Variants in UNC5C observed in about 807,000 individuals in gnomAD.
UNC5C encodes unc-5 netrin receptor C.
A neutral mutation model predicts 99.8 loss-of-function variants in UNC5C; 47 were observed. The ratio of observed to expected loss-of-function variants is 0.47; its 90% confidence interval spans 0.37 to 0.60. UNC5C has a LOEUF of 0.60. Ranked by LOEUF, UNC5C falls within the 20% of genes least tolerant of loss-of-function variation. The pLI is 0.00. For missense variants in UNC5C, 1,062 were observed against 1,165.9 expected (o/e 0.91, Z 1.30); for synonymous variants, 487 against 452.2 (o/e 1.08, Z -0.98).
intron 4 of UNC5C, among the ~76,000 whole-genome samples, chr4:95,251,601 C>A (rs1029101511): frequency 5.9e-5 from 9 of 152,104 alleles, no homozygotes; most frequent in African/African-American, 2.4e-5. Flanking sequence ...CAGTTTTTTC[C>A]ATAAAGCAAA....
chr4:95,248,058 A>T (rs1259033014), intron 5 of UNC5C: 1 of 153,220 alleles, frequency 6.5e-6, no homozygotes, highest in Non-Finnish European at 1.5e-5. Flanking sequence ...GGATCAAAAA[A>T]TTTTTGTGCC....
At chr4:95,415,684 C>T (rs1316031933) in intron 1 of UNC5C, among the ~76,000 whole-genome samples, 1 of 152,008 alleles carries the variant, frequency 6.6e-6, no homozygotes, top group East Asian at 1.9e-4. Context: ...TGCATCAGAA[C>T]TCATTCCCAA....
intron 1 of UNC5C, among the ~76,000 whole-genome samples, chr4:95,419,661 A>G (rs1746262955): frequency 6.6e-6 from 1 of 152,190 alleles, no homozygotes; most frequent in Non-Finnish European, 1.5e-5. Context: ...GAAATGCTGC[A>G]GTAATATAGT....
At chr4:95,402,752 T>A (rs773898141) in intron 1 of UNC5C, among the ~76,000 whole-genome samples, 3 of 152,264 alleles carry the variant, frequency 2.0e-5, no homozygotes, top group Non-Finnish European at 4.4e-5. Flanking sequence ...ATGCCATTTC[T>A]CTAGATTATT....
Position 95,202,827 on chromosome 4 carries a change from C to T in UNC5C, c.2040G>A (p.Lys680=), listed in dbSNP as rs767367177. The T allele has an allele frequency of 1.9e-6, 3 of 1,614,200 alleles. No homozygotes were observed. Among genetic ancestry groups the T allele is most frequent in the Middle Eastern group, 1.7e-4 (1 of 6,060 alleles). The part of the protein sequence containing the change: ...VGHSTTKAAA[K]RLKLAIFGPL... ...GCCCAAAGATGGCCAGCTTGAGGCGCTTCGCAGCCGCTTTGGTGGTGGAAT... is the reference window on the plus strand; with the variant it reads ...GCCCAAAGATGGCCAGCTTGAGGCGTTTCGCAGCCGCTTTGGTGGTGGAAT... Residue 680 remains lysine, a synonymous_variant, in exon 12 of 16, where the codon AAG becomes AAA. Coordinates refer to ENST00000453304, the MANE Select transcript of UNC5C (RefSeq NM_003728.4).
Position 95,278,260 on chromosome 4 carries a change from T to G in UNC5C, c.593A>C (p.Glu198Ala). Residue 198 changes from glutamate to alanine, a missense_variant and splice_region_variant, in exon 4 of 16, where the codon GAG becomes GCG. By Grantham distance (107) the Glu-to-Ala change is moderately radical. Transcript: ENST00000453304. ...ATGCAAAGAATTGTTGTTATTCACCTCAGCCACTGGGATCCCTTCAGGTGG... is the reference window on the plus strand; with the variant it reads ...ATGCAAAGAATTGTTGTTATTCACCGCAGCCACTGGGATCCCTTCAGGTGG... ...CRPPEGIPVA[E>A]VEWLKNEDII... 6.2e-7 allele frequency: 1 copy of G among 1,613,260 alleles called. No individual in the cohort carries two copies. The highest frequency in any genetic ancestry group is 1.1e-5 in the South Asian group (1 of 91,060).
intron 4 of UNC5C, among the ~76,000 whole-genome samples, chr4:95,270,025 C>T (rs1170119235): frequency 1.3e-5 from 2 of 152,090 alleles, no homozygotes; most frequent in African/African-American, 2.4e-5. Flanking sequence ...AAAGCCTTGA[C>T]AATTCTAAAA....
At chr4:95,221,671 A>G (rs1298592267) in intron 7 of UNC5C, among the ~76,000 whole-genome samples, 1 of 152,174 alleles carries the variant, frequency 6.6e-6, no homozygotes, top group Non-Finnish European at 1.5e-5. Context: ...AATCAAGTCA[A>G]TGTTAGCAAA....
At chr4:95,182,795 A>G in intron 14 of UNC5C, 102 bp downstream of exon 14, 4 of 1,288,734 alleles carry the variant, frequency 3.1e-6, no homozygotes, top group Non-Finnish European at 4.1e-6. Context: ...GCTTTTGAGG[A>G]CTTCCCATAT....
chr4:95,174,495 T>C (rs1463805580), intron 14 of UNC5C, among the ~76,000 whole-genome samples: 1 of 152,254 alleles, frequency 6.6e-6, no homozygotes, highest in Non-Finnish European at 1.5e-5. Flanking sequence ...TTCATTTTGT[T>C]ATTTACCCAG....
chr4:95,481,751 A>G (rs1010338893), intron 1 of UNC5C, among the ~76,000 whole-genome samples: 3 of 152,142 alleles, frequency 2.0e-5, no homozygotes, highest in Non-Finnish European at 4.4e-5. Context: ...AAAAACAAGC[A>G]ATGGGGAAAG....
chr4:95,188,537 G>A (rs1736927279), intron 12 of UNC5C, among the ~76,000 whole-genome samples: 1 of 152,208 alleles, frequency 6.6e-6, no homozygotes, highest in Non-Finnish European at 1.5e-5. Flanking sequence ...TTTGTCTTGT[G>A]TTACCATTTT....
At chr4:95,478,802 TGGGC>T (rs930378160) in intron 1 of UNC5C, among the ~76,000 whole-genome samples, 8 of 152,006 alleles carry the variant, frequency 5.3e-5, no homozygotes, top group Non-Finnish European at 1.2e-4. Flanking sequence ...GTGTTGGAGG[TGGGC>T]CCTAGTGGCG....
chr4:95,488,874 G>A (rs911499272), intron 1 of UNC5C, among the ~76,000 whole-genome samples: 4 of 151,644 alleles, frequency 2.6e-5, no homozygotes, highest in South Asian at 2.1e-4. Context: ...ACAACTATGC[G>A]TGCTCTCTAG....
intron 1 of UNC5C, among the ~76,000 whole-genome samples, chr4:95,451,709 C>T (rs932411465): frequency 6.6e-6 from 1 of 152,114 alleles, no homozygotes; most frequent in Non-Finnish European, 1.5e-5. Context: ...TGTTTCACGT[C>T]TTAGTCAAAA....
At chr4:95,319,030 G>A (rs1447437653) in intron 2 of UNC5C, among the ~76,000 whole-genome samples, 4 of 152,140 alleles carry the variant, frequency 2.6e-5, no homozygotes, top group Non-Finnish European at 5.9e-5. Context: ...CAGTAATCAA[G>A]TCTTGGTTAT....
intron 1 of UNC5C, among the ~76,000 whole-genome samples, chr4:95,422,072 G>C (rs1344062459): frequency 1.3e-5 from 2 of 152,216 alleles, no homozygotes; most frequent in African/African-American, 4.8e-5. Flanking sequence ...AAACAAAAAA[G>C]AGAAGTTCAA....
intron 14 of UNC5C, among the ~76,000 whole-genome samples, chr4:95,172,335 A>G (rs1427870946): frequency 6.6e-6 from 1 of 150,724 alleles, no homozygotes; most frequent in Non-Finnish European, 1.5e-5. Context: ...CCTGAATGGT[A>G]ATGCCTAGGT....
intron 1 of UNC5C, among the ~76,000 whole-genome samples, chr4:95,483,882 T>G (rs1721249160): frequency 6.6e-6 from 1 of 151,846 alleles, no homozygotes; most frequent in Non-Finnish European, 1.5e-5. Flanking sequence ...ACAAACAAGT[T>G]AACTACACAG....
Sources: gnomAD v4.1 joint callset for allele counts (sites outside exome capture counted in the v4.1 genomes callset) on GRCh38, gnomAD v4.1.1 for gene constraint, MANE v1.5 for transcripts, NCBI Gene and HGNC (gene_info 2026-07-23, HGNC 2026-07-21) for gene names.